The following NAALADL2 variants were observed in gnomAD, a reference collection of about 807,000 sequenced individuals.
NAALADL2 encodes inactive N-acetylated-alpha-linked acidic dipeptidase-like protein 2.
A neutral mutation model predicts 87.2 loss-of-function variants in NAALADL2; 76 were observed. That is an observed-to-expected ratio of 0.87 (90% confidence interval 0.72 to 1.05). The LOEUF (loss-of-function observed/expected upper bound fraction) is 1.05. Ranked by LOEUF, NAALADL2 falls within the 50% of genes least tolerant of loss-of-function variation. The pLI is 0.00. For missense variants in NAALADL2, 1,089 were observed against 945.8 expected, an observed-to-expected ratio of 1.15 and a Z score of -1.99; for synonymous variants, 354 against 331.0, an observed-to-expected ratio of 1.07 and a Z score of -0.75.
At chr3:175,126,835 C>T (rs967590338) in intron 2 of NAALADL2, among the ~76,000 whole-genome samples, 9 of 147,686 alleles carry the variant, frequency 6.1e-5, no homozygotes, top group African/African-American at 2.0e-4. Context: ...TTCCCAAGGG[C>T]ATTCAACTTG....
chr3:175,209,907 T>G (rs1408920156), intron 2 of NAALADL2, among the ~76,000 whole-genome samples: 1 of 151,738 alleles, frequency 6.6e-6, no homozygotes, highest in Non-Finnish European at 1.5e-5. Flanking sequence ...ATAAATAAAG[T>G]CTACAAGTCT....
rs560811061 is a variant in NAALADL2 at position 175,702,767 on chromosome 3, A to T, written c.1897-34539A>T. Among the ~76,000 whole-genome samples, 16 of 152,226 alleles carry T rather than the reference A, an allele frequency of 1.1e-4. 1 individual carries two copies. In the East Asian group the frequency reaches 1.7e-3, roughly 17 times the overall value. ...ATCTTCATTTCTGTCTATTTCATAT[A>T]CTCTAAGAATCCCCTCTACTTGGGA... On this transcript the variant is annotated intron_variant, in intron 11 of 13. Coordinates refer to ENST00000454872, the MANE Select transcript of NAALADL2 (RefSeq NM_207015.3).
intron 2 of NAALADL2, among the ~76,000 whole-genome samples, chr3:174,636,748 G>C (rs1366452268): frequency 1.3e-5 from 2 of 152,024 alleles, no homozygotes; most frequent in East Asian, 3.9e-4. Context: ...ACAATATGGA[G>C]AGTTGTCAAA....
chr3:174,887,457 CTGAGTT>C (rs1247134090), intron 1 of NAALADL2, among the ~76,000 whole-genome samples: 3 of 151,968 alleles, frequency 2.0e-5, no homozygotes, highest in African/African-American at 7.3e-5. Context: ...TATTCATTTT[CTGAGTT>C]TAATTTAAAA....
chr3:174,544,567 C>CTTTTTTTTTTTTTTTTTTTTTTT (rs10575227), intron 1 of NAALADL2, among the ~76,000 whole-genome samples: 7 of 115,164 alleles, frequency 6.1e-5, no homozygotes, highest in Non-Finnish European at 7.0e-5. Context: ...TTTTTGTTTT[C>CTTTTTTTTTTTTTTTTTTTTTTT]TTTTTTTTTT....
chr3:174,926,820 A>C (rs1370400677), intron 1 of NAALADL2, among the ~76,000 whole-genome samples: 1 of 152,172 alleles, frequency 6.6e-6, no homozygotes, highest in Non-Finnish European at 1.5e-5. Context: ...TAACCAGCTA[A>C]CATCATAATG....
At chr3:175,536,648 A>G (rs1280893077) in intron 9 of NAALADL2, among the ~76,000 whole-genome samples, 1 of 152,172 alleles carries the variant, frequency 6.6e-6, no homozygotes, top group Non-Finnish European at 1.5e-5. Flanking sequence ...TTTAAAAAAA[A>G]AACCTATTTT....
At chr3:175,780,388 C>T (rs370522372) in intron 13 of NAALADL2, among the ~76,000 whole-genome samples, 14 of 151,904 alleles carry the variant, frequency 9.2e-5, no homozygotes, top group South Asian at 4.2e-4. Flanking sequence ...TATGTGTATA[C>T]GTATCACATA....
intron 2 of NAALADL2, among the ~76,000 whole-genome samples, chr3:174,736,914 G>A (rs1039660432): frequency 2.6e-5 from 4 of 152,196 alleles, no homozygotes; most frequent in African/African-American, 9.6e-5. Context: ...AAAGTCTGGA[G>A]AGGGCCAAGG....
At chr3:175,752,157 G>A (rs1046344384) in intron 12 of NAALADL2, among the ~76,000 whole-genome samples, 8 of 152,026 alleles carry the variant, frequency 5.3e-5, no homozygotes, top group African/African-American at 1.2e-4. Context: ...ATTATGCTAC[G>A]ATCTGGGAAT....
At chr3:175,517,048 C>G (rs879747080) in intron 9 of NAALADL2, among the ~76,000 whole-genome samples, 1 of 152,074 alleles carries the variant, frequency 6.6e-6, no homozygotes, top group Admixed American at 6.6e-5. Flanking sequence ...ATAAAATAGT[C>G]TTTAATTTGT....
At chr3:174,530,513 G>A (rs960174392) in intron 1 of NAALADL2, among the ~76,000 whole-genome samples, 3 of 152,226 alleles carry the variant, frequency 2.0e-5, no homozygotes, top group Middle Eastern at 3.4e-3. Flanking sequence ...GTGTTAGTCC[G>A]TTTTCATGCT....
intron 1 of NAALADL2, among the ~76,000 whole-genome samples, chr3:174,496,510 T>TTTTA (rs1022440898): frequency 2.1e-5 from 3 of 145,732 alleles, no homozygotes; most frequent in African/African-American, 7.5e-5. Context: ...TATTTATATA[T>TTTTA]TATATATATA....
At chr3:175,769,107 A>G (rs1749136082) in intron 13 of NAALADL2, among the ~76,000 whole-genome samples, 2 of 152,116 alleles carry the variant, frequency 1.3e-5, no homozygotes, top group Non-Finnish European at 2.9e-5. Flanking sequence ...TACCTTTCTT[A>G]CCTGTAAGTT....
intron 11 of NAALADL2, among the ~76,000 whole-genome samples, chr3:175,704,979 A>G (rs1582956045): frequency 6.6e-6 from 1 of 152,220 alleles, no homozygotes; most frequent in South Asian, 2.1e-4. Context: ...CATCATTCAC[A>G]TGAGGAATAT....
intron 5 of NAALADL2, among the ~76,000 whole-genome samples, chr3:175,356,732 C>G (rs539463313): frequency 1.3e-5 from 2 of 151,648 alleles, no homozygotes; most frequent in Admixed American, 6.6e-5. Flanking sequence ...GAGTGCAAGA[C>G]GAAAGGAAGA....
At chr3:175,432,127 A>G (rs1717859644) in intron 5 of NAALADL2, among the ~76,000 whole-genome samples, 1 of 152,084 alleles carries the variant, frequency 6.6e-6, no homozygotes, top group Non-Finnish European at 1.5e-5. Flanking sequence ...TACCAGCCAT[A>G]TGACTCTTAG....
chr3:175,625,992 A>G (rs1282096213), intron 10 of NAALADL2, among the ~76,000 whole-genome samples: 1 of 151,998 alleles, frequency 6.6e-6, no homozygotes, highest in African/African-American at 2.4e-5. Flanking sequence ...AATGTTTTAA[A>G]TTATTCTTTC....
At chr3:175,419,631 G>A (rs1193955332) in intron 5 of NAALADL2, among the ~76,000 whole-genome samples, 22 of 151,924 alleles carry the variant, frequency 1.4e-4, no homozygotes, top group Admixed American at 1.4e-3. Context: ...AAACAAAATA[G>A]TGCCATCGTA....
Sources: allele counts gnomAD v4.1 joint callset (sites outside exome capture counted in the v4.1 genomes callset), GRCh38; gene constraint gnomAD v4.1.1; transcripts MANE v1.5; gene names NCBI Gene and HGNC (gene_info 2026-07-23, HGNC 2026-07-21).